Variants in L3MBTL4 observed in about 807,000 individuals in gnomAD.
L3MBTL4 encodes the protein L3MBTL histone methyl-lysine binding protein 4, also known as lethal(3)malignant brain tumor-like protein 4.
A neutral mutation model predicts 84.5 loss-of-function variants in L3MBTL4; 70 were observed. The observed-to-expected ratio is 0.83, with a 90% confidence interval of 0.68 to 1.01. The LOEUF is 1.01. Ranked by LOEUF, L3MBTL4 falls within the 50% of genes least tolerant of loss-of-function variation. The pLI is 0.00. For synonymous variants in L3MBTL4, 274 were observed against 259.8 expected (o/e 1.05, Z -0.52); for missense variants, 715 against 754.8 (o/e 0.95, Z 0.62).
chr18:6,076,365 C>T (rs1598658021), intron 16 of L3MBTL4, among the ~76,000 whole-genome samples: 1 of 152,152 alleles, frequency 6.6e-6, no homozygotes, highest in African/African-American at 2.4e-5. Context: ...TACATAACAT[C>T]TGATTCCATT....
intron 15 of L3MBTL4, among the ~76,000 whole-genome samples, chr18:6,085,203 G>C (rs1251169515): frequency 1.3e-5 from 2 of 152,150 alleles, no homozygotes; most frequent in African/African-American, 2.4e-5. Flanking sequence ...GTTTACTGCA[G>C]CATTATTTAC....
chr18:6,029,876 CTATCCTGTAGATTCTCACAAGCAT>C, intron 16 of L3MBTL4: 4 of 985,274 alleles, frequency 4.1e-6, no homozygotes, highest in Non-Finnish European at 4.8e-6. Flanking sequence ...CACACAGAAT[CTATCCTGTAGATTCTCACAAGCAT>C]GAGTGATGAG....
chr18:6,060,074 T>C (rs561884778), intron 16 of L3MBTL4, among the ~76,000 whole-genome samples: 5 of 152,318 alleles, frequency 3.3e-5, no homozygotes, highest in African/African-American at 1.2e-4. Context: ...AACCAGTATC[T>C]TGTTTATGTT....
At chr18:6,098,048 T>C (rs1418319746) in intron 14 of L3MBTL4, among the ~76,000 whole-genome samples, 5 of 152,182 alleles carry the variant, frequency 3.3e-5, no homozygotes, top group Admixed American at 2.6e-4. Context: ...TAGATGGTGA[T>C]TACTGTTGCC....
At chr18:6,343,411 C>G (rs553788036) in intron 1 of L3MBTL4, among the ~76,000 whole-genome samples, 3 of 152,200 alleles carry the variant, frequency 2.0e-5, no homozygotes, top group Non-Finnish European at 4.4e-5. Flanking sequence ...TGCCTGTAAT[C>G]CCAGCACTCT....
chr18:6,340,126 A>G (rs903743949), intron 1 of L3MBTL4, among the ~76,000 whole-genome samples: 2 of 152,172 alleles, frequency 1.3e-5, no homozygotes, highest in African/African-American at 4.8e-5. Context: ...TACAGACCAA[A>G]TTTTTATGAA....
intron 16 of L3MBTL4, among the ~76,000 whole-genome samples, chr18:5,978,178 G>A (rs1017454997): frequency 6.6e-6 from 1 of 152,180 alleles, no homozygotes; most frequent in African/African-American, 2.4e-5. Flanking sequence ...TGTCTTACTT[G>A]TCAAATATAC....
intron 16 of L3MBTL4, among the ~76,000 whole-genome samples, chr18:5,972,590 A>G (rs905849414): frequency 6.6e-6 from 1 of 152,130 alleles, no homozygotes; most frequent in African/African-American, 2.4e-5. Context: ...ACGCAAGACT[A>G]ATTTGCATTT....
intron 14 of L3MBTL4, among the ~76,000 whole-genome samples, chr18:6,104,703 G>T (rs2058943559): frequency 6.6e-6 from 1 of 152,052 alleles, no homozygotes; most frequent in African/African-American, 2.4e-5. Flanking sequence ...TTAAAATATT[G>T]TTACGAAGAT....
At chr18:6,389,853 A>G (rs553659085) in intron 1 of L3MBTL4, among the ~76,000 whole-genome samples, 1 of 152,282 alleles carries the variant, frequency 6.6e-6, no homozygotes, top group Non-Finnish European at 1.5e-5. Context: ...TAATAGTAGG[A>G]GACTTCAACA....
chr18:6,196,220 T>C (rs531022556), intron 12 of L3MBTL4, among the ~76,000 whole-genome samples: 46 of 149,622 alleles, frequency 3.1e-4, no homozygotes, highest in East Asian at 9.8e-4. Flanking sequence ...TGCAGTGGCA[T>C]GATCTCAGCT....
chr18:6,261,826 G>A (rs75206583), intron 5 of L3MBTL4, among the ~76,000 whole-genome samples: 1 of 152,196 alleles, frequency 6.6e-6, no homozygotes, highest in East Asian at 1.9e-4. Flanking sequence ...TTAATACCCT[G>A]ACGGGCTGAG....
At position 6,156,252 on chromosome 18, in the gene L3MBTL4, A is replaced by G. The variant is rs141254028; in HGVS notation, c.1096+15576T>C. 1.3e-3 allele frequency among the ~76,000 whole-genome samples: 204 copies of G among 152,300 alleles called. 1 individual carries two copies. Among genetic ancestry groups the G allele is most frequent in the African/African-American group, 4.5e-3 (185 of 41,568 alleles). ...CTACCACGCCATGAGTGTTCACAGG[A>G]CTATCTCTCCTTCTGGTGCCTTTAT... On this transcript the variant is annotated intron_variant, in intron 13 of 18. Transcript: ENST00000317931.
At chr18:6,275,552 C>T (rs754902715) in intron 4 of L3MBTL4, among the ~76,000 whole-genome samples, 4 of 152,144 alleles carry the variant, frequency 2.6e-5, no homozygotes, top group Middle Eastern at 3.2e-3. Context: ...TGTGCTGATG[C>T]AGGCAGGCCT....
At chr18:6,266,884 T>C (rs1033244610) in intron 4 of L3MBTL4, among the ~76,000 whole-genome samples, 11 of 151,860 alleles carry the variant, frequency 7.2e-5, no homozygotes, top group African/African-American at 2.7e-4. Context: ...GATCGTGCCA[T>C]TGCACTCCAG....
intron 12 of L3MBTL4, among the ~76,000 whole-genome samples, chr18:6,176,213 T>C (rs2044219051): frequency 6.6e-6 from 1 of 152,058 alleles, no homozygotes; most frequent in Admixed American, 6.6e-5. Flanking sequence ...ATTCTAACAT[T>C]ATAAAGGAAT....
At chr18:5,965,463 G>A (rs1275282833) in intron 17 of L3MBTL4, among the ~76,000 whole-genome samples, 3 of 152,154 alleles carry the variant, frequency 2.0e-5, no homozygotes, top group East Asian at 1.9e-4. Flanking sequence ...TGGCTGCGGA[G>A]GCTCCTCTCC....
intron 1 of L3MBTL4, among the ~76,000 whole-genome samples, chr18:6,334,510 G>T (rs2052225553): frequency 6.6e-6 from 1 of 152,084 alleles, no homozygotes; most frequent in African/African-American, 2.4e-5. Flanking sequence ...GTTCAAAAAT[G>T]ATAATAAAAA....
chr18:6,059,542 A>T (rs2057136112), intron 16 of L3MBTL4, among the ~76,000 whole-genome samples: 1 of 152,188 alleles, frequency 6.6e-6, no homozygotes, highest in South Asian at 2.1e-4. Context: ...GAATTTGATA[A>T]GAAAAAATTT....
Sources: allele counts gnomAD v4.1 joint callset (sites outside exome capture counted in the v4.1 genomes callset), GRCh38; gene constraint gnomAD v4.1.1; transcripts MANE v1.5; gene names NCBI Gene and HGNC (gene_info 2026-07-23, HGNC 2026-07-21).